BLOC1S3: variants seen among roughly 807,000 people sequenced by gnomAD.
BLOC1S3 encodes biogenesis of lysosome-related organelles complex 1 subunit 3.
BLOC1S3 carries 7 observed loss-of-function variants against 9.1 expected under a neutral mutation model. That is an observed-to-expected ratio of 0.77 (90% CI 0.44 to 1.45). BLOC1S3 has a LOEUF of 1.45. Ranked by LOEUF, BLOC1S3 falls within the 40% of genes most tolerant of loss-of-function variation. The pLI, the probability that BLOC1S3 is intolerant of heterozygous loss-of-function variation, is 0.01. For synonymous variants in BLOC1S3, 145 were observed against 158.4 expected, an observed-to-expected ratio of 0.92 and a Z score of 0.64; for missense variants, 307 against 315.2, an observed-to-expected ratio of 0.97 and a Z score of 0.20.
chr19:45,198,684 G>C (rs1475965199), intron 2 of BLOC1S3, among the ~76,000 whole-genome samples: 14 of 151,822 alleles, frequency 9.2e-5, no homozygotes, highest in Admixed American at 9.2e-4. Flanking sequence ...GAGCTCCATT[G>C]TATGTTTGTT....
At chr19:45,190,672 G>C (rs1176680283) in intron 2 of BLOC1S3, among the ~76,000 whole-genome samples, 2 of 151,664 alleles carry the variant, frequency 1.3e-5, no homozygotes, top group African/African-American at 2.4e-5. Flanking sequence ...AAAATGCTGG[G>C]ATTACAGGCG....
At chr19:45,212,509 T>G (rs529594229) in intron 3 of BLOC1S3, 1 of 152,538 alleles carries the variant, frequency 6.6e-6, no homozygotes, top group East Asian at 1.9e-4. Context: ...CACTCACCAC[T>G]CTGGGCTATG....
At chr19:45,199,715 GTTCTCTTCTCTTCTTTC>G (rs1050868174) in intron 2 of BLOC1S3, among the ~76,000 whole-genome samples, 2 of 150,030 alleles carry the variant, frequency 1.3e-5, no homozygotes, top group African/African-American at 2.5e-5. Context: ...CTTCTCTTCT[GTTCTCTTCTCTTCTTTC>G]TTCTCTTCTC....
At chr19:45,213,431 C>T in intron 3 of BLOC1S3, 2 of 1,556,718 alleles carry the variant, frequency 1.3e-6, no homozygotes, top group Non-Finnish European at 1.7e-6. Flanking sequence ...CCGTGGACCC[C>T]ACCTGACCCC....
rs35443104 is a variant in BLOC1S3, at chr19:45,201,202, C to CAA, written n.181-1189_181-1188dup. ...TGGGCGACAGAGTAAGACCCTGTCT[C>CAA]AAAAAAAAAAAAAAAAGGAATCTTA... is the stretch of plus-strand genomic sequence containing the variant. On this transcript the variant is annotated intron_variant and non_coding_transcript_variant, in intron 2 of 3. Coordinates refer to the BLOC1S3 transcript ENST00000591569. Among the ~76,000 whole-genome samples the CAA allele has an allele frequency of 2.2e-3, 277 of 126,914 alleles. 2 individuals carry two copies. Among genetic ancestry groups the CAA allele is most frequent in the African/African-American group, 6.5e-3 (222 of 34,148 alleles). The allele number at this position is 126,914 out of a possible 152,430, so 83.3% of individuals were successfully genotyped here.
chr19:45,201,995 G>A (rs568843510), intron 2 of BLOC1S3, among the ~76,000 whole-genome samples: 23 of 151,954 alleles, frequency 1.5e-4, no homozygotes, highest in East Asian at 1.4e-3. Flanking sequence ...AGGCCGAGGC[G>A]GGTGGATCAT....
At chr19:45,216,207 G>A in intron 3 of BLOC1S3, 1 of 1,613,010 alleles carries the variant, frequency 6.2e-7, no homozygotes, top group East Asian at 2.2e-5. Context: ...GCAGGGGAGG[G>A]AGGGTGCGGG....
At chr19:45,202,968 G>A (rs1035185642) in intron 3 of BLOC1S3, among the ~76,000 whole-genome samples, 1 of 152,044 alleles carries the variant, frequency 6.6e-6, no homozygotes, top group Non-Finnish European at 1.5e-5. Context: ...TGGAATGGGG[G>A]CCTCAGGACT....
intron 3 of BLOC1S3, among the ~76,000 whole-genome samples, chr19:45,203,738 T>G (rs567575650): frequency 6.6e-6 from 1 of 152,256 alleles, no homozygotes; most frequent in African/African-American, 2.4e-5. Flanking sequence ...TCCACTGTAA[T>G]AGAACAGCGC....
intron 3 of BLOC1S3, among the ~76,000 whole-genome samples, chr19:45,206,458 T>TTTTTTG (rs1969727563): frequency 8.2e-6 from 1 of 122,296 alleles, no homozygotes. Context: ...AAGTTTTTTT[T>TTTTTTG]TTTTTTTTTT....
chr19:45,200,008 C>A (rs886878465), intron 2 of BLOC1S3, among the ~76,000 whole-genome samples: 5 of 151,992 alleles, frequency 3.3e-5, no homozygotes, highest in African/African-American at 1.2e-4. Flanking sequence ...TCAGGTGATC[C>A]AACCACTTCA....
At chr19:45,208,867 A>AT (rs1969747227) in intron 3 of BLOC1S3, among the ~76,000 whole-genome samples, 1 of 152,176 alleles carries the variant, frequency 6.6e-6, no homozygotes, top group African/African-American at 2.4e-5. Context: ...AAAAAATAAC[A>AT]TATCAAAATA....
At chr19:45,183,607 CT>C (rs1182431550), downstream of BLOC1S3, among the ~76,000 whole-genome samples, 3 of 140,560 alleles carry the variant, frequency 2.1e-5, no homozygotes, top group Admixed American at 7.1e-5. Flanking sequence ...CTTCCCTTTT[CT>C]TTTTCTTTTC....
At position 45,179,543 on chromosome 19, in the gene BLOC1S3, C is replaced by G. The variant is rs1368113592; in HGVS notation, c.247C>G (p.Leu83Val). The G allele has an allele frequency of 2.0e-6, 3 of 1,522,192 alleles. No homozygotes were observed. Among genetic ancestry groups the G allele is most frequent in the Non-Finnish European group, 2.6e-6 (3 of 1,142,334 alleles). 94.3% of individuals were successfully genotyped at this position (1,522,192 alleles called of 1,614,324 possible). A position where few individuals can be genotyped will look rare whatever the true frequency, so the allele number is the denominator to read the frequency against. ...GGCCGCGCCGAGGGACCTGCCTCCA[C>G]TCGTGGTGCAGCGGGAATCGGCGGA... ...PTAAPRDLPP[L>V]VVQRESAEEA... The change falls in exon 2 of 2, where the codon CTC becomes GTC. Residue 83 changes from leucine (L) to valine (V), a missense_variant. Physicochemically the swap from Leu to Val is conservative, Grantham distance 32. Transcript: ENST00000433642. This position sits in a 1 kb window ranked among gnomAD's most constrained non-coding sequence, Gnocchi z 4.6.
intron 2 of BLOC1S3, among the ~76,000 whole-genome samples, chr19:45,189,323 G>A (rs1000112435): frequency 3.9e-5 from 6 of 152,130 alleles, no homozygotes; most frequent in Middle Eastern, 3.2e-3. Flanking sequence ...CCCAGCCAGA[G>A]CGCCATTGAA....
intron 2 of BLOC1S3, among the ~76,000 whole-genome samples, chr19:45,192,780 A>G (rs1969615832): frequency 6.6e-6 from 1 of 152,004 alleles, no homozygotes. Flanking sequence ...GGCTGAGCTG[A>G]TATCCAAGGT....
chr19:45,196,007 A>G (rs1346349767), intron 2 of BLOC1S3, among the ~76,000 whole-genome samples: 1 of 152,166 alleles, frequency 6.6e-6, no homozygotes, highest in Non-Finnish European at 1.5e-5. Context: ...TCATTCCCCT[A>G]TTGATGATCA....
chr19:45,191,198 C>T (rs1040909699), intron 2 of BLOC1S3, among the ~76,000 whole-genome samples: 1 of 151,990 alleles, frequency 6.6e-6, no homozygotes, highest in Non-Finnish European at 1.5e-5. Context: ...TCTCGGCTCA[C>T]CACAACCTCC....
Position 45,179,306 on chromosome 19 carries a change from C to A in BLOC1S3, c.10C>A (p.Gln4Lys). 1 of 1,582,130 alleles carries A rather than the reference C, an allele frequency of 6.3e-7. No homozygotes were observed. Residue 4 changes from glutamine to lysine, a missense_variant, in exon 2 of 2, where the codon CAG (glutamine) becomes AAG (lysine). Transcript: ENST00000433642. This position sits in a 1 kb window ranked among gnomAD's most constrained non-coding sequence, Gnocchi z 4.6. MAS[Q>K]GRRRRPLRRP... ...CCCCTAGTTCGGTGCCATGGCGTCC[C>A]AGGGTCGTCGGCGGAGGCCCCTGCG...
Sources: gnomAD v4.1 joint callset for allele counts (sites outside exome capture counted in the v4.1 genomes callset) on GRCh38, gnomAD v4.1.1 for gene constraint, Gnocchi (gnomAD v3.1) non-coding constraint, MANE v1.5 for transcripts, NCBI Gene and HGNC (gene_info 2026-07-23, HGNC 2026-07-21) for gene names.